The following P4HA1 variants were observed in gnomAD, a reference collection of about 807,000 sequenced individuals.
P4HA1 encodes the protein prolyl 4-hydroxylase subunit alpha 1.
A neutral mutation model predicts 72.8 loss-of-function variants in P4HA1; 24 were observed. The ratio of observed to expected loss-of-function variants is 0.33; its 90% CI spans 0.24 to 0.46. The LOEUF is 0.46. P4HA1 is among the 20% of genes least tolerant of loss of function. P4HA1 has a pLI of 1.00. For synonymous variants in P4HA1, 201 were observed against 218.8 expected (o/e 0.92, Z 0.72); for missense variants, 446 against 640.6 (o/e 0.70, Z 3.28).
At chr10:73,016,784 T>G in intron 11 of P4HA1, 62 bp downstream of exon 11, 1 of 1,292,364 alleles carries the variant, frequency 7.7e-7, no homozygotes, top group Admixed American at 1.7e-5. Flanking sequence ...TTTTGTTTTG[T>G]TTTGAGACAA....
chr10:73,030,208 G>T, intron 10 of P4HA1, 63 bp downstream of exon 10: 1 of 771,066 alleles, frequency 1.3e-6, no homozygotes, highest in South Asian at 3.0e-5. Flanking sequence ...TCAGTGTCAG[G>T]AAATCTCCTC....
At chr10:73,052,017 C>A (rs921883770) in intron 6 of P4HA1, among the ~76,000 whole-genome samples, 9 of 152,092 alleles carry the variant, frequency 5.9e-5, no homozygotes, top group Non-Finnish European at 2.9e-5. Context: ...ATGTAGCCTA[C>A]TTCTAAGGGC....
At chr10:73,043,712 ACTG>A (rs941816365) in intron 9 of P4HA1, among the ~76,000 whole-genome samples, 3 of 152,194 alleles carry the variant, frequency 2.0e-5, no homozygotes, top group Non-Finnish European at 4.4e-5. Flanking sequence ...ACCCCTATTA[ACTG>A]CCCCATAACC....
At chr10:73,010,786 A>G (rs950271128) in intron 13 of P4HA1, among the ~76,000 whole-genome samples, 183 bp downstream of exon 13, 3 of 152,140 alleles carry the variant, frequency 2.0e-5, no homozygotes, top group African/African-American at 7.2e-5. Context: ...TGAACCCAGG[A>G]GGTCAAAGCT....
chr10:73,094,552 A>G (rs974091912), intron 1 of P4HA1, among the ~76,000 whole-genome samples: 1 of 152,242 alleles, frequency 6.6e-6, no homozygotes, highest in Admixed American at 6.5e-5. Flanking sequence ...ATTCAAGAGC[A>G]ATAATTATAT....
At chr10:73,039,738 C>T (rs1308751278) in intron 9 of P4HA1, among the ~76,000 whole-genome samples, 1 of 151,760 alleles carries the variant, frequency 6.6e-6, no homozygotes, top group African/African-American at 2.4e-5. Flanking sequence ...TCTCTAAATA[C>T]AGATATTTGA....
chr10:73,055,490 C>T (rs1455150270), intron 5 of P4HA1, among the ~76,000 whole-genome samples: 1 of 152,208 alleles, frequency 6.6e-6, no homozygotes, highest in Non-Finnish European at 1.5e-5. Flanking sequence ...AGGTGTGAGC[C>T]ACTGCAGGTG....
chr10:73,042,151 A>G (rs1840750088), intron 9 of P4HA1, among the ~76,000 whole-genome samples: 1 of 152,128 alleles, frequency 6.6e-6, no homozygotes, highest in African/African-American at 2.4e-5. Flanking sequence ...GTCTTTTGTT[A>G]TAGGGGTCTC....
At position 73,043,961 on chromosome 10, in the gene P4HA1, C is replaced by CA. The variant is rs763257814; in HGVS notation, c.1148+1019dup. ...CATGTACTGTAGCTCGGCTCAGCTACAAAAAAAGAGAAAGGACAAGGACTT... is the reference window on the plus strand; with the variant it reads ...CATGTACTGTAGCTCGGCTCAGCTACAAAAAAAAGAGAAAGGACAAGGACTT... On this transcript the variant is annotated intron_variant, in intron 9 of 14. Transcript: ENST00000394890. 26 of 1,606,944 alleles carry CA rather than the reference C, an allele frequency of 1.6e-5. No individual in the cohort carries two copies. The Middle Eastern group carries it at 5.0e-4, about 31-fold the overall frequency.
intron 12 of P4HA1, among the ~76,000 whole-genome samples, chr10:73,011,345 G>A (rs1361188362): frequency 3.3e-5 from 5 of 152,116 alleles, no homozygotes; most frequent in African/African-American, 1.2e-4. Context: ...TAAAACTAAT[G>A]AGTCAATACA....
chr10:73,054,165 C>CA (rs1264499502), intron 5 of P4HA1, among the ~76,000 whole-genome samples: 4 of 152,128 alleles, frequency 2.6e-5, no homozygotes, highest in Admixed American at 1.3e-4. Flanking sequence ...CTTGGCCTCC[C>CA]AAGGTGCTGG....
chr10:73,056,753 C>A (rs1841156546), intron 5 of P4HA1, among the ~76,000 whole-genome samples: 1 of 151,926 alleles, frequency 6.6e-6, no homozygotes, highest in Non-Finnish European at 1.5e-5. Flanking sequence ...GTTCAAAACT[C>A]ATTAGGCTGG....
At chr10:73,075,741 T>G (rs1031054730) in intron 1 of P4HA1, among the ~76,000 whole-genome samples, 21 of 145,756 alleles carry the variant, frequency 1.4e-4, no homozygotes, top group African/African-American at 5.2e-4. Context: ...TATATATATA[T>G]AGTGTGTGTG....
At chr10:73,044,010 G>T in intron 9 of P4HA1, 1 of 1,419,552 alleles carries the variant, frequency 7.0e-7, no homozygotes, top group Non-Finnish European at 9.9e-7. Context: ...GCAATTTTGG[G>T]CTTTTTGTTT....
chr10:73,075,894 C>T (rs1841687214), intron 1 of P4HA1, among the ~76,000 whole-genome samples: 2 of 151,930 alleles, frequency 1.3e-5, no homozygotes, highest in African/African-American at 2.4e-5. Context: ...TATAGCTTAA[C>T]TTTTTAAAAT....
At chr10:73,042,626 T>A (rs1006921425) in intron 9 of P4HA1, among the ~76,000 whole-genome samples, 2 of 152,108 alleles carry the variant, frequency 1.3e-5, no homozygotes, top group African/African-American at 4.8e-5. Context: ...AAATATTTTT[T>A]AATACTTGGA....
chr10:73,046,104 A>G (rs1428727331), intron 8 of P4HA1, among the ~76,000 whole-genome samples: 3 of 152,134 alleles, frequency 2.0e-5, no homozygotes, highest in African/African-American at 7.2e-5. Context: ...TTTGCACTAT[A>G]ATGGCAGAAC....
At chr10:73,053,744 G>A (rs1841071701) in intron 5 of P4HA1, among the ~76,000 whole-genome samples, 154 bp from the exon 6 acceptor site, 1 of 151,960 alleles carries the variant, frequency 6.6e-6, no homozygotes, top group African/African-American at 2.4e-5. Context: ...ATAAACAATG[G>A]AACAATCTAT....
chr10:73,077,691 A>T (rs899741605), intron 1 of P4HA1, among the ~76,000 whole-genome samples: 1 of 152,150 alleles, frequency 6.6e-6, no homozygotes, highest in Admixed American at 6.5e-5. Context: ...ACTTAAAAAT[A>T]AGAAAATGCC....
Sources: gnomAD v4.1 joint callset for allele counts (sites outside exome capture counted in the v4.1 genomes callset) on GRCh38, gnomAD v4.1.1 for gene constraint, MANE v1.5 for transcripts, NCBI Gene and HGNC (gene_info 2026-07-23, HGNC 2026-07-21) for gene names.